Variants in IPMK observed in about 807,000 individuals in gnomAD.
The protein encoded by IPMK is inositol polyphosphate multikinase, also known as inositol 1,3,4,6-tetrakisphosphate 5-kinase.
A neutral mutation model predicts 45.8 loss-of-function variants in IPMK; 17 were observed. The observed-to-expected ratio is 0.37, with a 90% CI of 0.25 to 0.56. The LOEUF (loss-of-function observed/expected upper bound fraction) is 0.56. Among genes scored for constraint, IPMK ranks in the 20% least tolerant of loss-of-function variants. The pLI is 0.79. For missense variants in IPMK, 399 were observed against 498.0 expected, an observed-to-expected ratio of 0.80 and a Z score of 1.89; for synonymous variants, 180 against 184.3, an observed-to-expected ratio of 0.98 and a Z score of 0.19.
intron 3 of IPMK, among the ~76,000 whole-genome samples, chr10:58,219,162 A>C (rs959082990): frequency 6.6e-6 from 1 of 152,224 alleles, no homozygotes; most frequent in African/African-American, 2.4e-5. Context: ...AGCCTAGTGA[A>C]GAGTGGTTTG....
intron 1 of IPMK, among the ~76,000 whole-genome samples, chr10:58,247,217 C>T (rs1007607305): frequency 1.3e-5 from 2 of 148,814 alleles, no homozygotes; most frequent in Admixed American, 1.3e-4. Context: ...GGACTGTAAA[C>T]TAGTTCAACC....
intron 1 of IPMK, among the ~76,000 whole-genome samples, chr10:58,238,847 T>C (rs913961660): frequency 6.6e-6 from 1 of 151,944 alleles, no homozygotes; most frequent in Admixed American, 6.5e-5. Flanking sequence ...GTTTGTTTTT[T>C]GTTTTTTTTT....
At chr10:58,247,855 CATAGA>C (rs1382661775) in intron 1 of IPMK, among the ~76,000 whole-genome samples, 1 of 152,088 alleles carries the variant, frequency 6.6e-6, no homozygotes, top group Non-Finnish European at 1.5e-5. Context: ...TTTTGATATA[CATAGA>C]ATAAACTCTC....
At chr10:58,233,396 T>C (rs1270767633) in intron 2 of IPMK, among the ~76,000 whole-genome samples, 1 of 152,184 alleles carries the variant, frequency 6.6e-6, no homozygotes, top group Admixed American at 6.5e-5. Context: ...CCAACGTCCC[T>C]GATGAATGTC....
At chr10:58,264,829 A>G (rs1839125639) in intron 1 of IPMK, among the ~76,000 whole-genome samples, 1 of 152,214 alleles carries the variant, frequency 6.6e-6, no homozygotes, top group Non-Finnish European at 1.5e-5. Context: ...ATAATACAGA[A>G]TGAGAAAAGT....
Position 58,193,602 on chromosome 10 carries a change from A to C in IPMK, c.*2474T>G, listed in dbSNP as rs1037170138. 7 of 151,870 alleles carry C rather than the reference A, an allele frequency of 4.6e-5. No individual in the cohort carries two copies. Among genetic ancestry groups the C allele is most frequent in the Non-Finnish European group, 1.0e-4 (7 of 67,758 alleles). The allele number at this position is 151,870 out of a possible 1,614,324, so 9.4% of individuals were successfully genotyped here. ...TTTTTATTAGAGAAAGGTATTATTC[A>C]CATCCACAATTTCTTAAAGTCCTTT... On this transcript the variant is annotated 3_prime_UTR_variant, in exon 6 of 6. Coordinates refer to ENST00000373935, the MANE Select transcript of IPMK (RefSeq NM_152230.5).
In IPMK at chr10:58,246,272, A is replaced by G. The variant is rs1041935324; in HGVS notation, c.191-8458T>C. Among the ~76,000 whole-genome samples, 82 of 151,030 alleles carry G rather than the reference A, an allele frequency of 5.4e-4. 1 individual carries two copies. Among genetic ancestry groups the G allele is most frequent in the African/African-American group, 2.0e-3 (82 of 40,626 alleles). ...CAATGCCATCCTCATCAAGCTACCAATGACTTTCTTCACAGAATTGGAAAA... is the reference window on the plus strand; with the variant it reads ...CAATGCCATCCTCATCAAGCTACCAGTGACTTTCTTCACAGAATTGGAAAA... On this transcript the variant is annotated intron_variant, in intron 1 of 5. Transcript: ENST00000373935.
At chr10:58,203,724 T>C (rs541181650) in intron 4 of IPMK, among the ~76,000 whole-genome samples, 9 of 152,360 alleles carry the variant, frequency 5.9e-5, no homozygotes, top group African/African-American at 2.2e-4. Context: ...CAATTTAGAA[T>C]ATTACATAAA....
At chr10:58,249,223 T>C (rs373433777) in intron 1 of IPMK, among the ~76,000 whole-genome samples, 9 of 152,196 alleles carry the variant, frequency 5.9e-5, no homozygotes, top group African/African-American at 2.2e-4. Flanking sequence ...AAGATGTATA[T>C]GTTGTTGTTG....
At chr10:58,244,425 AGCCACCCC>A (rs1838760638) in intron 1 of IPMK, among the ~76,000 whole-genome samples, 1 of 59,142 alleles carries the variant, frequency 1.7e-5, no homozygotes, top group African/African-American at 1.7e-4. Context: ...GCCTCCGCCC[AGCCACCCC>A]GTCTGGGAGG....
intron 2 of IPMK, among the ~76,000 whole-genome samples, chr10:58,233,308 C>T (rs1588963138): frequency 6.6e-6 from 1 of 152,294 alleles, no homozygotes; most frequent in East Asian, 1.9e-4. Context: ...GGAATCCTCC[C>T]TAACTCATTT....
chr10:58,201,961 C>G (rs2132143981), intron 4 of IPMK, among the ~76,000 whole-genome samples: 1 of 152,342 alleles, frequency 6.6e-6, no homozygotes, highest in East Asian at 1.9e-4. Flanking sequence ...GGGTAAGACT[C>G]TCTTCAATTC....
At chr10:58,204,050 T>C (rs1235839510) in intron 4 of IPMK, among the ~76,000 whole-genome samples, 1 of 137,274 alleles carries the variant, frequency 7.3e-6, no homozygotes, top group African/African-American at 3.2e-5. Flanking sequence ...AATTAAAGTA[T>C]ACACACTGTT....
At chr10:58,208,615 T>C (rs1464396708) in intron 4 of IPMK, among the ~76,000 whole-genome samples, 1 of 152,218 alleles carries the variant, frequency 6.6e-6, no homozygotes, top group Non-Finnish European at 1.5e-5. Context: ...TCCTTAGTTA[T>C]AGAGAGTCTT....
At chr10:58,235,803 A>C (rs1014991956) in intron 2 of IPMK, among the ~76,000 whole-genome samples, 1 of 152,180 alleles carries the variant, frequency 6.6e-6, no homozygotes, top group East Asian at 1.9e-4. Context: ...TAGAACTTAA[A>C]GTGTAATAAA....
chr10:58,262,348 A>G (rs1839085605), intron 1 of IPMK, among the ~76,000 whole-genome samples: 1 of 152,238 alleles, frequency 6.6e-6, no homozygotes, highest in Non-Finnish European at 1.5e-5. Context: ...CAAAAGAATA[A>G]ACATATTAAT....
At chr10:58,199,392 G>C in intron 4 of IPMK, 71 bp from the exon 5 acceptor site, 2 of 929,236 alleles carry the variant, frequency 2.2e-6, no homozygotes, top group Non-Finnish European at 3.1e-6. Flanking sequence ...CAGCCACAAG[G>C]GTGGCTAAAG....
At chr10:58,254,742 T>C (rs1838938799) in intron 1 of IPMK, among the ~76,000 whole-genome samples, 1 of 152,256 alleles carries the variant, frequency 6.6e-6, no homozygotes, top group East Asian at 1.9e-4. Flanking sequence ...CTGTTGTTTC[T>C]TCCTGTTCAG....
At chr10:58,265,085 T>C (rs1040148362) in intron 1 of IPMK, among the ~76,000 whole-genome samples, 5 of 152,230 alleles carry the variant, frequency 3.3e-5, no homozygotes, top group African/African-American at 1.2e-4. Flanking sequence ...AAATGTATTT[T>C]GATGAAATAT....
Sources: gnomAD v4.1 joint callset for allele counts (sites outside exome capture counted in the v4.1 genomes callset) on GRCh38, gnomAD v4.1.1 for gene constraint, MANE v1.5 for transcripts, NCBI Gene and HGNC (gene_info 2026-07-23, HGNC 2026-07-21) for gene names.